ADARB2: variants seen among roughly 807,000 people sequenced by gnomAD.
ADARB2 encodes the protein adenosine deaminase RNA specific B2 (inactive).
In ADARB2, 25 loss-of-function variants were observed where a neutral mutation model predicts 62.2. The ratio of observed to expected loss-of-function variants is 0.40; its 90% CI spans 0.29 to 0.56. The LOEUF is 0.56. Ranked by LOEUF, ADARB2 falls within the 20% of genes least tolerant of loss-of-function variation. ADARB2 has a pLI of 0.43. For missense variants in ADARB2, 1,071 were observed against 1,077.4 expected, an observed-to-expected ratio of 0.99 and a Z score of 0.08; for synonymous variants, 572 against 500.8, an observed-to-expected ratio of 1.14 and a Z score of -1.90.
intron 1 of ADARB2, among the ~76,000 whole-genome samples, chr10:1,421,420 A>G (rs1002838212): frequency 6.6e-6 from 1 of 151,986 alleles, no homozygotes; most frequent in East Asian, 1.9e-4. Flanking sequence ...TTGGGTAACA[A>G]TGGGCTTACT....
At chr10:1,333,500 C>T (rs1831947419) in intron 3 of ADARB2, among the ~76,000 whole-genome samples, 1 of 152,114 alleles carries the variant, frequency 6.6e-6, no homozygotes, top group South Asian at 2.1e-4. Flanking sequence ...AGATGGGCCC[C>T]ACTTAATTTT....
At chr10:1,225,275 C>G (rs1270132247) in intron 6 of ADARB2, among the ~76,000 whole-genome samples, 1 of 152,126 alleles carries the variant, frequency 6.6e-6, no homozygotes, top group Non-Finnish European at 1.5e-5. Flanking sequence ...CTTGGTAGAT[C>G]TTCCTCCATC....
At chr10:1,429,232 C>T (rs1278795470) in intron 1 of ADARB2, among the ~76,000 whole-genome samples, 2 of 152,304 alleles carry the variant, frequency 1.3e-5, no homozygotes, top group East Asian at 3.9e-4. Flanking sequence ...TTGTTAAATG[C>T]TTACAGGGTT....
At position 1,306,593 on chromosome 10, in the gene ADARB2, C is replaced by A. The variant is rs531134032; in HGVS notation, c.1078-35524G>T. On this transcript the variant is annotated intron_variant, in intron 3 of 9. Coordinates refer to ENST00000381312, the MANE Select transcript of ADARB2 (RefSeq NM_018702.4). ...TCATATGGAACCAAAAAAGAGCCCG[C>A]ATCGCTAAGTCAATCCTAAGCCAAA... Among the ~76,000 whole-genome samples, 222 of 149,422 alleles carry A rather than the reference C, an allele frequency of 1.5e-3. 2 individuals are homozygous for A. The highest frequency in any genetic ancestry group is 5.3e-3 in the African/African-American group (218 of 41,210).
At chr10:1,302,246 C>T (rs902722788) in intron 3 of ADARB2, among the ~76,000 whole-genome samples, 4 of 152,210 alleles carry the variant, frequency 2.6e-5, no homozygotes, top group African/African-American at 7.2e-5. Flanking sequence ...GTTCCCTTTC[C>T]TAATCAAAGA....
chr10:1,261,519 C>A (rs1197804087), intron 4 of ADARB2, among the ~76,000 whole-genome samples: 1 of 150,308 alleles, frequency 6.7e-6, no homozygotes, highest in African/African-American at 2.5e-5. Context: ...CAAAAGAAGA[C>A]ATTTATGCAG....
At chr10:1,502,653 T>G (rs1831780409) in intron 1 of ADARB2, among the ~76,000 whole-genome samples, 1 of 152,240 alleles carries the variant, frequency 6.6e-6, no homozygotes, top group Non-Finnish European at 1.5e-5. Flanking sequence ...TGGACGGAAG[T>G]CTGAGTGGGT....
At chr10:1,702,512 C>T (rs556603379) in intron 1 of ADARB2, among the ~76,000 whole-genome samples, 6 of 152,310 alleles carry the variant, frequency 3.9e-5, no homozygotes, top group African/African-American at 1.4e-4. Flanking sequence ...GATTTTCCTC[C>T]ATGTCCATCA....
chr10:1,731,699 T>G (rs896294745), intron 1 of ADARB2, among the ~76,000 whole-genome samples: 12 of 152,244 alleles, frequency 7.9e-5, no homozygotes, highest in African/African-American at 2.4e-4. Flanking sequence ...TCATTCTATT[T>G]GCAAATACTT....
At chr10:1,522,682 A>G (rs567786523) in intron 1 of ADARB2, among the ~76,000 whole-genome samples, 3 of 152,248 alleles carry the variant, frequency 2.0e-5, no homozygotes, top group African/African-American at 7.2e-5. Flanking sequence ...CTCAGCAATC[A>G]TTCCTCTCCT....
chr10:1,735,841 C>A (rs1835293274), intron 1 of ADARB2, among the ~76,000 whole-genome samples: 2 of 152,200 alleles, frequency 1.3e-5, no homozygotes, highest in Admixed American at 6.5e-5. Flanking sequence ...GACATTTATG[C>A]CTGCTGACTG....
At chr10:1,322,201 G>A (rs769607604) in intron 3 of ADARB2, among the ~76,000 whole-genome samples, 10 of 152,138 alleles carry the variant, frequency 6.6e-5, no homozygotes, top group African/African-American at 9.7e-5. Flanking sequence ...ATATAATTTC[G>A]GATGGGCACT....
chr10:1,501,153 G>A (rs760531848), intron 1 of ADARB2, among the ~76,000 whole-genome samples: 7 of 152,216 alleles, frequency 4.6e-5, no homozygotes, highest in Admixed American at 2.6e-4. Context: ...GATTATAGGC[G>A]TGAGTCACCA....
intron 8 of ADARB2, among the ~76,000 whole-genome samples, chr10:1,185,781 C>A (rs937883064): frequency 1.3e-5 from 2 of 152,224 alleles, no homozygotes; most frequent in Non-Finnish European, 2.9e-5. Flanking sequence ...GGGAAGCCCT[C>A]GTTTCAAAAG....
At chr10:1,633,369 C>T (rs1037046436) in intron 1 of ADARB2, among the ~76,000 whole-genome samples, 14 of 152,172 alleles carry the variant, frequency 9.2e-5, no homozygotes. Context: ...TCAGTGCCAA[C>T]AGGAATTTCA....
chr10:1,735,175 C>A (rs546951512), intron 1 of ADARB2, among the ~76,000 whole-genome samples: 20 of 152,188 alleles, frequency 1.3e-4, no homozygotes, highest in Non-Finnish European at 2.8e-4. Flanking sequence ...CCTGAATGCC[C>A]TTTCCCGCTT....
intron 1 of ADARB2, among the ~76,000 whole-genome samples, chr10:1,446,489 C>A (rs1214481126): frequency 2.6e-5 from 4 of 152,180 alleles, no homozygotes; most frequent in Non-Finnish European, 4.4e-5. Context: ...TGAGGCAGAG[C>A]TTTTCAGTGG....
intron 3 of ADARB2, among the ~76,000 whole-genome samples, chr10:1,313,621 G>C (rs1831711825): frequency 6.9e-6 from 1 of 145,418 alleles, no homozygotes; most frequent in African/African-American, 2.4e-5. Context: ...AACTAAAACA[G>C]GGCACAGGGT....
intron 3 of ADARB2, among the ~76,000 whole-genome samples, chr10:1,334,919 C>T (rs571807334): frequency 6.6e-6 from 1 of 152,278 alleles, no homozygotes; most frequent in East Asian, 1.9e-4. Context: ...TTTGTCCTCA[C>T]TTCAAACTCT....
Sources: allele counts gnomAD v4.1 joint callset (sites outside exome capture counted in the v4.1 genomes callset), GRCh38; gene constraint gnomAD v4.1.1; transcripts MANE v1.5; gene names NCBI Gene and HGNC (gene_info 2026-07-23, HGNC 2026-07-21).